Variants in ATP10A observed in about 807,000 individuals in gnomAD.
ATP10A encodes the protein phospholipid-transporting ATPase VA.
Under a neutral mutation model 147.8 loss-of-function variants are expected in ATP10A, and 111 were observed. The observed-to-expected ratio is 0.75, with a 90% confidence interval of 0.64 to 0.88. The LOEUF (loss-of-function observed/expected upper bound fraction) is 0.88, where lower values mean the gene tolerates loss of function less well. Ranked by LOEUF, ATP10A falls within the 40% of genes least tolerant of loss-of-function variation. ATP10A has a pLI of 0.00. For synonymous variants in ATP10A, 875 were observed against 841.6 expected (o/e 1.04, Z -0.69); for missense variants, 1,927 against 1,959.0 (o/e 0.98, Z 0.31).
At chr15:25,687,945 T>C (rs749076009) in intron 15 of ATP10A, 117 bp from the exon 16 acceptor site, 3 of 1,473,446 alleles carry the variant, frequency 2.0e-6, no homozygotes, top group South Asian at 2.3e-5. Context: ...CTGAACACAG[T>C]GCGAGCGTGG....
chr15:25,825,525 G>C (rs931138229), intron 1 of ATP10A, among the ~76,000 whole-genome samples: 16 of 152,160 alleles, frequency 1.1e-4, no homozygotes, highest in African/African-American at 3.9e-4. Flanking sequence ...CTGGCTCAGA[G>C]TTGAAGGTGT....
chr15:25,709,445 G>A (rs1304798507), intron 10 of ATP10A: 1 of 152,224 alleles, frequency 6.6e-6, no homozygotes, highest in Non-Finnish European at 1.5e-5. Flanking sequence ...AAATACTCTT[G>A]ATAAAGCTGT....
At chr15:25,688,767 C>T (rs1420994221) in intron 15 of ATP10A, among the ~76,000 whole-genome samples, 1 of 152,140 alleles carries the variant, frequency 6.6e-6, no homozygotes, top group African/African-American at 2.4e-5. Flanking sequence ...TGTCATGATA[C>T]ACAAAACCTT....
rs55649987 is a variant in ATP10A, at chr15:25,832,282, T to C, written c.449+30366A>G. Among the ~76,000 whole-genome samples, 822 of 152,348 alleles carry C rather than the reference T, an allele frequency of 5.4e-3. 12 individuals are homozygous for C. Among genetic ancestry groups the C allele is most frequent in the Admixed American group, 7.3e-3 (112 of 15,304 alleles). On this transcript the variant is annotated intron_variant, in intron 1 of 20. Coordinates refer to ENST00000555815, the MANE Select transcript of ATP10A (RefSeq NM_024490.4). Reference sequence around the variant, plus strand: ...GAACTGTAAGAGAATACACTTCTGTTGGTTTAAGCCACCTGGTGTATGGTA... The same window carrying C: ...GAACTGTAAGAGAATACACTTCTGTCGGTTTAAGCCACCTGGTGTATGGTA...
chr15:25,799,494 CCTCA>C (rs1272681233), intron 1 of ATP10A, among the ~76,000 whole-genome samples: 1 of 152,106 alleles, frequency 6.6e-6, no homozygotes, highest in Non-Finnish European at 1.5e-5. Context: ...CAGCAAAATT[CCTCA>C]CTAAGAATAA....
intron 1 of ATP10A, chr15:25,862,236 G>A (rs1893793528): frequency 4.3e-6 from 2 of 469,602 alleles, no homozygotes; most frequent in Non-Finnish European, 8.5e-6. Context: ...GTCCTGTGCC[G>A]GCTGTTCAGA....
chr15:25,706,678 G>A (rs753864563), intron 12 of ATP10A, among the ~76,000 whole-genome samples: 2 of 152,200 alleles, frequency 1.3e-5, no homozygotes, highest in African/African-American at 2.4e-5. Context: ...AGGAGATTCT[G>A]TCTGCATTAC....
chr15:25,673,848 GC>G (rs1899087653), downstream of ATP10A, among the ~76,000 whole-genome samples: 1 of 152,198 alleles, frequency 6.6e-6, no homozygotes, highest in Non-Finnish European at 1.5e-5. Flanking sequence ...TGTCTTGGCA[GC>G]CTGGCTGGGC....
In ATP10A at chr15:25,714,197, T is replaced by C. The variant is rs752411160; in HGVS notation, c.1821A>G (p.Glu607=). ...TGGGTGTGAACCTCCGCAGGAAGTC[T>C]TCTATCGTCTTCACCGGGGACTTCA... ...FELKSPVKTI[E]DFLRRFTPSC... Residue 607 remains glutamate, a synonymous_variant, in exon 10 of 21, where the codon GAA becomes GAG. Transcript: ENST00000555815. 2 of 1,603,386 alleles carry C rather than the reference T, an allele frequency of 1.2e-6. No homozygotes were observed. Among genetic ancestry groups the C allele is most frequent in the East Asian group, 2.2e-5 (1 of 44,842 alleles).
rs757877007 is a variant in ATP10A at position 25,718,447 on chromosome 15, G to A, written c.1364-48C>T. On this transcript the variant is annotated intron_variant, in intron 7 of 20. Transcript: ENST00000555815. Reference sequence around the variant, plus strand: ...GAGGCATCATGGGGGAAGGCTGGGCGGAGCAGAAAGAAACCATTCAGTGTG... The same window carrying A: ...GAGGCATCATGGGGGAAGGCTGGGCAGAGCAGAAAGAAACCATTCAGTGTG... 41 of 1,530,336 alleles carry A rather than the reference G, an allele frequency of 2.7e-5. No individual in the cohort carries two copies. In the South Asian group the frequency reaches 3.8e-4, roughly 14 times the overall value. The allele number at this position is 1,530,336 out of a possible 1,614,324, so 94.8% of individuals were successfully genotyped here. A position where few individuals can be genotyped will look rare whatever the true frequency, so the allele number is the denominator to read the frequency against.
At chr15:25,841,682 C>A (rs1892821202) in intron 1 of ATP10A, 1 of 151,868 alleles carries the variant, frequency 6.6e-6, no homozygotes, top group African/African-American at 2.4e-5. Context: ...ATTTTCCGAT[C>A]CATGAACATG....
chr15:25,828,198 A>G (rs1892199795), intron 1 of ATP10A, among the ~76,000 whole-genome samples: 1 of 152,248 alleles, frequency 6.6e-6, no homozygotes, highest in Non-Finnish European at 1.5e-5. Context: ...CAATTTAACA[A>G]TAACAGAGAA....
At chr15:25,784,696 G>A (rs540143493) in intron 1 of ATP10A, among the ~76,000 whole-genome samples, 212 of 152,220 alleles carry the variant, frequency 1.4e-3, no homozygotes, top group African/African-American at 4.9e-3. Context: ...AGGCCAAGAC[G>A]GGCGGATCAC....
At chr15:25,676,533 T>C (rs1471901578), downstream of ATP10A, among the ~76,000 whole-genome samples, 1 of 152,236 alleles carries the variant, frequency 6.6e-6, no homozygotes, top group Non-Finnish European at 1.5e-5. Context: ...ATCTATTCTA[T>C]AAATGACTGA....
chr15:25,712,111 T>G (rs1901460342), intron 10 of ATP10A, among the ~76,000 whole-genome samples: 1 of 152,168 alleles, frequency 6.6e-6, no homozygotes, highest in Non-Finnish European at 1.5e-5. Context: ...AGTGAGCAGG[T>G]CGTGACGCTA....
At chr15:25,865,069 A>C (rs1188210883), upstream of ATP10A, 2 of 152,230 alleles carry the variant, frequency 1.3e-5, no homozygotes, top group Non-Finnish European at 2.9e-5. Flanking sequence ...CTGATTCCTC[A>C]GGCAGAGGTC....
intron 2 of ATP10A, among the ~76,000 whole-genome samples, chr15:25,771,247 T>C (rs1432475672): frequency 5.9e-5 from 9 of 151,984 alleles, no homozygotes; most frequent in Non-Finnish European, 8.8e-5. Context: ...CATTGTTTGC[T>C]GGCCACCCAT....
At chr15:25,726,651 G>A (rs1386469279) in intron 4 of ATP10A, among the ~76,000 whole-genome samples, 1 of 151,724 alleles carries the variant, frequency 6.6e-6, no homozygotes, top group African/African-American at 2.4e-5. Flanking sequence ...CACTACGTTG[G>A]CCAAGCTGGT....
At chr15:25,742,792 C>T (rs537687374) in intron 2 of ATP10A, among the ~76,000 whole-genome samples, 20 of 152,264 alleles carry the variant, frequency 1.3e-4, no homozygotes, top group Non-Finnish European at 1.8e-4. Flanking sequence ...GAGGGCTGCT[C>T]GTTAAAATTG....
Sources: allele counts gnomAD v4.1 joint callset (sites outside exome capture counted in the v4.1 genomes callset), GRCh38; gene constraint gnomAD v4.1.1; transcripts MANE v1.5; gene names NCBI Gene and HGNC (gene_info 2026-07-23, HGNC 2026-07-21).